KDM6A: variants seen among roughly 807,000 people sequenced by gnomAD.
KDM6A encodes lysine-specific demethylase 6A.
KDM6A carries 11 observed loss-of-function variants against 117.6 expected under a neutral mutation model. That is an observed-to-expected ratio of 0.09 (90% CI 0.06 to 0.15). The LOEUF (loss-of-function observed/expected upper bound fraction) is 0.15. Among genes scored for constraint, KDM6A ranks in the 10% least tolerant of loss-of-function variants. The pLI, the probability that KDM6A is intolerant of heterozygous loss-of-function variation, is 1.00. For synonymous variants in KDM6A, 384 were observed against 396.1 expected (o/e 0.97, Z 0.36); for missense variants, 799 against 1,077.3 (o/e 0.74, Z 3.62).
intron 6 of KDM6A, among the ~76,000 whole-genome samples, chrX:45,032,013 A>C (rs1478271633): frequency 9.0e-6 from 1 of 111,528 alleles, no homozygotes; most frequent in Non-Finnish European, 1.9e-5. Flanking sequence ...TGCTCCATAA[A>C]AAGAAAATCT....
chrX:45,020,480 ACAT>A, intron 5 of KDM6A, 127 bp from the exon 6 acceptor site: 1 of 687,637 alleles, frequency 1.5e-6, no homozygotes, highest in Admixed American at 3.1e-5. Context: ...GTATTTATTA[ACAT>A]CATTTTTATA....
chrX:45,110,793 A>G (rs2046738634), intron 29 of KDM6A, among the ~76,000 whole-genome samples: 1 of 111,991 alleles, frequency 8.9e-6, no homozygotes, highest in African/African-American at 3.2e-5. Flanking sequence ...CAGACAGCAG[A>G]TGCTTGGGGG....
At chrX:44,947,666 G>A (rs940231285) in intron 2 of KDM6A, among the ~76,000 whole-genome samples, 3 of 111,652 alleles carry the variant, frequency 2.7e-5, no homozygotes, top group East Asian at 2.8e-4. Flanking sequence ...GTGAGCTACC[G>A]CGCCCAGCCA....
intron 4 of KDM6A, among the ~76,000 whole-genome samples, chrX:44,999,978 G>A (rs1470617205): frequency 1.8e-5 from 2 of 111,914 alleles, no homozygotes; most frequent in Non-Finnish European, 3.8e-5. Flanking sequence ...TGAGTTGTTG[G>A]CTAACTCATT....
At chrX:45,076,491 C>T (rs1330800934) in intron 18 of KDM6A, among the ~76,000 whole-genome samples, 2 of 110,656 alleles carry the variant, frequency 1.8e-5, no homozygotes, top group Non-Finnish European at 3.8e-5. Context: ...CTTTTATTTT[C>T]CTTCAGTGGA....
At position 45,111,486 on chromosome X, in the gene KDM6A, G is replaced by A; in HGVS notation, c.*75G>A. The A allele has an allele frequency of 1.1e-6, 1 of 900,409 alleles. No homozygotes were observed. The highest frequency in any genetic ancestry group is 1.6e-6 in the Non-Finnish European group (1 of 613,489). The allele number at this position is 900,409 out of a possible 1,213,427, so 74.2% of individuals were successfully genotyped here. ...ACCCAGTTCTGCACCACTGGTTTTTGTAGCTATCTCGTAAGGCTGCTGGCT... is the reference window on the plus strand; with the variant it reads ...ACCCAGTTCTGCACCACTGGTTTTTATAGCTATCTCGTAAGGCTGCTGGCT... On this transcript the variant is annotated 3_prime_UTR_variant, in exon 30 of 30. Transcript: ENST00000611820.
intron 18 of KDM6A, among the ~76,000 whole-genome samples, chrX:45,076,330 T>C (rs1351217172): frequency 9.0e-6 from 1 of 111,575 alleles, no homozygotes; most frequent in Non-Finnish European, 1.9e-5. Context: ...CCTAGAACTT[T>C]TTTTGGTCAA....
chrX:45,054,397 C>T (rs897344990), intron 10 of KDM6A, among the ~76,000 whole-genome samples: 1 of 111,412 alleles, frequency 9.0e-6, no homozygotes, highest in African/African-American at 3.3e-5. Context: ...ATGATATTTA[C>T]CTTAGAATTG....
At chrX:44,895,787 T>C (rs2033796534) in intron 2 of KDM6A, among the ~76,000 whole-genome samples, 1 of 109,827 alleles carries the variant, frequency 9.1e-6, no homozygotes, top group South Asian at 3.8e-4. Context: ...TTGGAGGGTT[T>C]TCTGTTTTCT....
At chrX:45,037,017 T>G (rs899242452) in intron 7 of KDM6A, among the ~76,000 whole-genome samples, 1 of 112,603 alleles carries the variant, frequency 8.9e-6, no homozygotes, top group Non-Finnish European at 1.9e-5. Context: ...TTAGAGACTT[T>G]AGGCTATTAC....
intron 2 of KDM6A, among the ~76,000 whole-genome samples, chrX:44,894,088 AGT>A (rs2033609139): frequency 8.9e-6 from 1 of 111,855 alleles, no homozygotes; most frequent in Non-Finnish European, 1.9e-5. Context: ...AATATGGATG[AGT>A]GTATCTCATA....
chrX:44,949,918 A>T (rs759858315), intron 2 of KDM6A, among the ~76,000 whole-genome samples: 1 of 111,678 alleles, frequency 9.0e-6, no homozygotes, highest in Non-Finnish European at 1.9e-5. Flanking sequence ...GACAGGCATA[A>T]TGATTGCTGT....
At chrX:45,009,350 G>T (rs2041652059) in intron 4 of KDM6A, among the ~76,000 whole-genome samples, 1 of 112,007 alleles carries the variant, frequency 8.9e-6, no homozygotes, top group Non-Finnish European at 1.9e-5. Flanking sequence ...GTGTCTTTTA[G>T]CATACTAATG....
chrX:45,099,040 A>G (rs1342145227), intron 27 of KDM6A, among the ~76,000 whole-genome samples: 1 of 111,772 alleles, frequency 8.9e-6, no homozygotes, highest in Admixed American at 9.5e-5. Context: ...TCATCAGTTA[A>G]GTTTTTGCCA....
intron 10 of KDM6A, among the ~76,000 whole-genome samples, chrX:45,056,411 G>A (rs2044074112): frequency 8.9e-6 from 1 of 111,829 alleles, no homozygotes; most frequent in Non-Finnish European, 1.9e-5. Context: ...TCTGCATTCA[G>A]GTCTGTGTTG....
intron 10 of KDM6A, among the ~76,000 whole-genome samples, chrX:45,058,502 C>G (rs1299471850): frequency 9.0e-6 from 1 of 111,001 alleles, no homozygotes; most frequent in Admixed American, 9.6e-5. Flanking sequence ...CTATGTCTTA[C>G]ATGTGCATTT....
intron 4 of KDM6A, among the ~76,000 whole-genome samples, chrX:44,995,827 C>G (rs1223947837): frequency 9.0e-6 from 1 of 111,145 alleles, no homozygotes; most frequent in Non-Finnish European, 1.9e-5. Context: ...TGTTTTTGAA[C>G]CAGTTTGTGG....
At chrX:45,012,645 G>A (rs2041816654) in intron 5 of KDM6A, among the ~76,000 whole-genome samples, 1 of 111,610 alleles carries the variant, frequency 9.0e-6, no homozygotes, top group Admixed American at 9.5e-5. Flanking sequence ...TACCTATTGG[G>A]CACCCTGAAT....
chrX:45,020,420 G>A (rs1311990454), intron 5 of KDM6A, among the ~76,000 whole-genome samples, 190 bp from the exon 6 acceptor site: 2 of 110,908 alleles, frequency 1.8e-5, no homozygotes, highest in Non-Finnish European at 3.8e-5. Flanking sequence ...GATTATATAC[G>A]TTTAATTATA....
Sources: gnomAD v4.1 joint callset for allele counts (sites outside exome capture counted in the v4.1 genomes callset) on GRCh38, gnomAD v4.1.1 for gene constraint, MANE v1.5 for transcripts, NCBI Gene and HGNC (gene_info 2026-07-23, HGNC 2026-07-21) for gene names.